Variants in KIF17 observed in about 807,000 individuals in gnomAD.
KIF17 encodes the protein kinesin-like protein KIF17.
A neutral mutation model predicts 96.8 loss-of-function variants in KIF17; 80 were observed. That is an observed-to-expected ratio of 0.83 (90% CI 0.69 to 1.00). The LOEUF (loss-of-function observed/expected upper bound fraction) is 1.00. Ranked by LOEUF, KIF17 falls within the 50% of genes least tolerant of loss-of-function variation. KIF17 has a pLI of 0.00. For missense variants in KIF17, 1,280 were observed against 1,372.9 expected, an observed-to-expected ratio of 0.93 and a Z score of 1.07; for synonymous variants, 567 against 587.5, an observed-to-expected ratio of 0.97 and a Z score of 0.51.
chr1:20,705,229 G>A (rs1445105388), intron 4 of KIF17, among the ~76,000 whole-genome samples: 4 of 152,322 alleles, frequency 2.6e-5, no homozygotes, highest in South Asian at 2.1e-4. Context: ...AGCAGCTCCC[G>A]AAGGCTTCCT....
rs779527345 is a variant in KIF17 at position 20,671,925 on chromosome 1, C to T, written c.2722+13G>A. Reference sequence around the variant, plus strand: ...GGAGGGAGGGGAGGGCAAGGGCCAGCCAAGCTCCTGACCTACTGGGAGGCT... The same window carrying T: ...GGAGGGAGGGGAGGGCAAGGGCCAGTCAAGCTCCTGACCTACTGGGAGGCT... On this transcript the variant is annotated intron_variant, in intron 12 of 14. Coordinates refer to ENST00000400463, the MANE Select transcript of KIF17 (RefSeq NM_001122819.3). The T allele has an allele frequency of 6.2e-7, 1 of 1,611,612 alleles. No individual in the cohort carries two copies. Among genetic ancestry groups the T allele is most frequent in the South Asian group, 1.1e-5 (1 of 91,040 alleles).
At chr1:20,665,837 C>T (rs2053516833) in intron 14 of KIF17, among the ~76,000 whole-genome samples, 1 of 152,246 alleles carries the variant, frequency 6.6e-6, no homozygotes, top group South Asian at 2.1e-4. Context: ...TGAAGTCAAT[C>T]TGCATTTGGA....
At chr1:20,698,246 T>G (rs1052735660) in intron 6 of KIF17, 133 bp downstream of exon 6, 1 of 704,032 alleles carries the variant, frequency 1.4e-6, no homozygotes, top group Non-Finnish European at 2.6e-6. Flanking sequence ...CTCTTTGAGC[T>G]TCAGCTTTCT....
Position 20,685,898 on chromosome 1 carries a change from G to A in KIF17, c.2019+148C>T, listed in dbSNP as rs1057424986. On this transcript the variant is annotated intron_variant, in intron 9 of 14. Coordinates refer to ENST00000400463, the MANE Select transcript of KIF17 (RefSeq NM_001122819.3). This position sits in a 1 kb window ranked among gnomAD's most constrained non-coding sequence, Gnocchi z 4.1. ...CTCCCACTGCACACTGCCTGGCCAC[G>A]GGCCACAAGCCCGGGGAAGGCTGGA... is the stretch of plus-strand genomic sequence containing the variant. 5 of 715,952 alleles carry A rather than the reference G, an allele frequency of 7.0e-6. No homozygotes were observed. The highest frequency in any genetic ancestry group is 1.2e-5 in the Non-Finnish European group (5 of 406,254). 44.3% of individuals were successfully genotyped at this position (715,952 alleles called of 1,614,324 possible).
intron 4 of KIF17, among the ~76,000 whole-genome samples, chr1:20,707,829 GTGTGTGTA>G (rs1375007126): frequency 8.4e-5 from 9 of 107,382 alleles, no homozygotes; most frequent in Non-Finnish European, 1.8e-4. Context: ...GTGTGTGTGT[GTGTGTGTA>G]TAAAAAATAT....
Position 20,690,328 on chromosome 1 carries a change from T to G in KIF17, c.1241A>C (p.Glu414Ala). 1.8e-6 allele frequency: 1 copy of G among 570,216 alleles called. No individual in the cohort carries two copies. The highest frequency in any genetic ancestry group is 3.1e-6 in the Non-Finnish European group (1 of 318,664). 35.3% of individuals were successfully genotyped at this position (570,216 alleles called of 1,614,324 possible). Residue 414 changes from glutamate to alanine, a missense_variant, in exon 7 of 15, where the codon GAA (glutamate) becomes GCA (alanine). Transcript: ENST00000400463. ...AEKQLIREEY[E>A]ERLARLKADY... ...GGCTTTCAGCCGGGCCAGGCGCTCT[T>G]CATACTCCTGGGGGGGTGGGAGGGA...
rs1382102298 is a variant in KIF17, at chr1:20,704,414, G to C, written c.1123+33C>G. 1.3e-6 allele frequency: 2 copies of C among 1,569,242 alleles called. No individual in the cohort carries two copies. The highest frequency in any genetic ancestry group is 2.7e-5 in the African/African-American group (2 of 73,896). On this transcript the variant is annotated intron_variant, in intron 5 of 14. Coordinates refer to ENST00000400463, the MANE Select transcript of KIF17 (RefSeq NM_001122819.3). This position sits in a 1 kb window ranked among gnomAD's most constrained non-coding sequence, Gnocchi z 6.8. The stretch of plus-strand genomic sequence containing the variant: ...GAAGGAAGCTTTCTCCTGGGGACCT[G>C]GCCCTCCCGCCACTACCCCAACGTG...
rs199511512 is a variant in KIF17, at chr1:20,703,423, A to G, written c.1123+1024T>C. On this transcript the variant is annotated intron_variant, in intron 5 of 14. Coordinates refer to ENST00000400463, the MANE Select transcript of KIF17 (RefSeq NM_001122819.3). ...GTGGCTGTGTAGATGGATGGATGGAAGGAAGAAATGGATTGATGGAATGGA... is the reference window on the plus strand; with the variant it reads ...GTGGCTGTGTAGATGGATGGATGGAGGGAAGAAATGGATTGATGGAATGGA... Among the ~76,000 whole-genome samples the G allele has an allele frequency of 4.6e-5, 7 of 150,620 alleles. No individual in the cohort carries two copies. In the East Asian group the frequency reaches 1.4e-3, roughly 30 times the overall value.
rs1011680048 is a variant in KIF17 at position 20,713,314 on chromosome 1, T to C, written c.480+140A>G. On this transcript the variant is annotated intron_variant, in intron 3 of 14. Coordinates refer to ENST00000400463, the MANE Select transcript of KIF17 (RefSeq NM_001122819.3). ...CCTGCCTAAAAAAGTTTTTTTTAATTAAAAAAAAAAAAAAAAGTCCCGACT... is the reference window on the plus strand; with the variant it reads ...CCTGCCTAAAAAAGTTTTTTTTAATCAAAAAAAAAAAAAAAAGTCCCGACT... The C allele has an allele frequency of 1.2e-5, 6 of 521,466 alleles. No homozygotes were observed. In the Admixed American group the frequency reaches 1.8e-4, roughly 15 times the overall value. The allele number at this position is 521,466 out of a possible 1,614,324, so 32.3% of individuals were successfully genotyped here.
chr1:20,698,412 A>C lies in KIF17; in HGVS notation c.1200T>G (p.His400Gln), dbSNP rs764463105. The change falls in exon 6 of 15, where the codon CAT becomes CAG. Residue 400 changes from histidine (H) to glutamine (Q), a missense_variant. Transcript: ENST00000400463. ...EKLLPQPVIQHDVEAEKQLIR... is the reference protein window; with the variant it reads ...EKLLPQPVIQQDVEAEKQLIR... ...TCAGCTGCTTCTCGGCCTCCACGTCATGCTGGATCACAGGTTGGGGCAACA... is the reference window on the plus strand; with the variant it reads ...TCAGCTGCTTCTCGGCCTCCACGTCCTGCTGGATCACAGGTTGGGGCAACA... The C allele has an allele frequency of 5.6e-6, 9 of 1,613,810 alleles. No individual in the cohort carries two copies. The highest frequency in any genetic ancestry group is 7.6e-6 in the Non-Finnish European group (9 of 1,179,950).
intron 6 of KIF17, 85 bp downstream of exon 6, chr1:20,698,294 G>C: frequency 1.1e-6 from 1 of 905,064 alleles, no homozygotes; most frequent in Non-Finnish European, 1.8e-6. Flanking sequence ...GTGATATCGC[G>C]TTGGACCCCA....
At position 20,695,128 on chromosome 1, in the gene KIF17, G is replaced by GCACA. The variant is rs35124380; in HGVS notation, c.1233+3247_1233+3250dup. 1.0e-4 allele frequency among the ~76,000 whole-genome samples: 15 copies of GCACA among 147,700 alleles called. No homozygotes were observed. In the East Asian group the frequency reaches 1.6e-3, roughly 16 times the overall value. On this transcript the variant is annotated intron_variant, in intron 6 of 14. Transcript: ENST00000400463. The stretch of plus-strand genomic sequence containing the variant: ...CATGCACGCACACGCATACACACAC[G>GCACA]CACACACACGCACACACACATGCAT...
intron 4 of KIF17, among the ~76,000 whole-genome samples, chr1:20,707,209 A>T (rs2054357972): frequency 6.6e-6 from 1 of 152,200 alleles, no homozygotes; most frequent in Non-Finnish European, 1.5e-5. Context: ...ATTGCAGGGA[A>T]CCGAGTCTGA....
At chr1:20,674,352 C>T (rs1035552162) in intron 11 of KIF17, among the ~76,000 whole-genome samples, 1 of 152,170 alleles carries the variant, frequency 6.6e-6, no homozygotes, top group Non-Finnish European at 1.5e-5. Flanking sequence ...CCTCGACCTC[C>T]CAGTCCTCCC....
intron 3 of KIF17, among the ~76,000 whole-genome samples, chr1:20,712,266 G>A (rs1336947430): frequency 6.6e-6 from 1 of 152,010 alleles, no homozygotes; most frequent in Non-Finnish European, 1.5e-5. Context: ...TTCTGGGGCT[G>A]ACATGTGGGA....
chr1:20,689,662 A>AT (rs11326995), intron 7 of KIF17, among the ~76,000 whole-genome samples: 1 of 151,376 alleles, frequency 6.6e-6, no homozygotes, highest in African/African-American at 2.4e-5. Flanking sequence ...AAACAAAGAA[A>AT]TTTTTTTTTA....
At chr1:20,717,379 C>T (rs1254110518) in intron 1 of KIF17, 97 bp downstream of exon 1, 2 of 1,411,990 alleles carry the variant, frequency 1.4e-6, no homozygotes, top group Non-Finnish European at 1.9e-6. Flanking sequence ...CCCTCGAGGG[C>T]CTTTCCTCCT....
At chr1:20,690,456 C>A in intron 6 of KIF17, 121 bp from the exon 7 acceptor site, 2 of 851,480 alleles carry the variant, frequency 2.3e-6, no homozygotes, top group South Asian at 1.7e-5. Flanking sequence ...CCAAGAGAAT[C>A]CAATGGTACA....
chr1:20,699,208 G>A lies in KIF17; in HGVS notation c.1124-720C>T, dbSNP rs12136693. On this transcript the variant is annotated intron_variant, in intron 5 of 14. Coordinates refer to ENST00000400463, the MANE Select transcript of KIF17 (RefSeq NM_001122819.3). This position sits in a 1 kb window ranked among gnomAD's most constrained non-coding sequence, Gnocchi z 4.3. ...AAGCAATCTTCTCATCTCGGCCTGC[G>A]AAAGTGCTGGGATTACAGGGGTGAG... Among the ~76,000 whole-genome samples, 46,624 of 152,012 alleles carry A rather than the reference G, an allele frequency of 0.31. 8,728 individuals carry two copies. The highest frequency in any genetic ancestry group is 0.42 in the Non-Finnish European group (28,247 of 67,952).
Sources: gnomAD v4.1 joint callset for allele counts (sites outside exome capture counted in the v4.1 genomes callset) on GRCh38, gnomAD v4.1.1 for gene constraint, Gnocchi (gnomAD v3.1) non-coding constraint, MANE v1.5 for transcripts, NCBI Gene and HGNC (gene_info 2026-07-23, HGNC 2026-07-21) for gene names.